Variants in CEP128 observed in about 807,000 individuals in gnomAD.
CEP128 encodes the protein centrosomal protein 128.
Under a neutral mutation model 156.7 loss-of-function variants are expected in CEP128, and 132 were observed. The observed-to-expected ratio is 0.84, with a 90% CI of 0.73 to 0.97. CEP128 has a LOEUF of 0.97. CEP128 is among the 50% of genes least tolerant of loss of function. The pLI is 0.00. For synonymous variants in CEP128, 469 were observed against 448.9 expected (o/e 1.04, Z -0.57); for missense variants, 1,252 against 1,281.9 (o/e 0.98, Z 0.36).
intron 14 of CEP128, among the ~76,000 whole-genome samples, chr14:80,479,462 A>G (rs1248533608): frequency 2.0e-5 from 3 of 152,124 alleles, no homozygotes; most frequent in Admixed American, 6.6e-5. Context: ...CAAGAGAAAA[A>G]TAAGAAGAAG....
chr14:80,729,058 G>GGGGGT lies in CEP128; in HGVS notation c.2806+14016_2806+14017insACCCC, dbSNP rs1898141728. The stretch of plus-strand genomic sequence containing the variant: ...CCTAGTCCCAGGCTGGGCTGGTGGG[G>GGGGGT]GTGTGTGTGTGTGTGTGTGTGTGTG... On this transcript the variant is annotated intron_variant, in intron 19 of 24. Coordinates refer to ENST00000555265, the MANE Select transcript of CEP128 (RefSeq NM_152446.5). Among the ~76,000 whole-genome samples the GGGGGT allele has an allele frequency of 2.3e-4, 24 of 105,024 alleles. 1 individual carries two copies. The highest frequency in any genetic ancestry group is 1.1e-3 in the African/African-American group (21 of 19,926). 68.9% of individuals were successfully genotyped at this position (105,024 alleles called of 152,430 possible).
intron 8 of CEP128, among the ~76,000 whole-genome samples, chr14:80,863,368 A>G (rs1887610844): frequency 6.6e-6 from 1 of 152,250 alleles, no homozygotes; most frequent in Non-Finnish European, 1.5e-5. Flanking sequence ...TAGCTTATCA[A>G]TCTTTTCTAC....
chr14:80,946,371 A>G (rs942861936), upstream of CEP128, among the ~76,000 whole-genome samples: 3 of 94,472 alleles, frequency 3.2e-5, no homozygotes, highest in Admixed American at 1.0e-4. Context: ...CTCATGATGC[A>G]TCATGATGAT....
At chr14:80,657,211 T>TGCGC (rs769121940) in intron 19 of CEP128, among the ~76,000 whole-genome samples, 98 of 151,574 alleles carry the variant, frequency 6.5e-4, no homozygotes, top group Non-Finnish European at 1.1e-3. Flanking sequence ...GAGCCGAGAT[T>TGCGC]ACGCCACTGC....
At chr14:80,900,814 T>TA (rs1883509438) in intron 6 of CEP128, among the ~76,000 whole-genome samples, 1 of 146,788 alleles carries the variant, frequency 6.8e-6, no homozygotes, top group Non-Finnish European at 1.5e-5. Context: ...TAGTAAAAAT[T>TA]AAAAAAGTAA....
intron 19 of CEP128, among the ~76,000 whole-genome samples, chr14:80,655,296 C>T (rs1277087566): frequency 2.0e-5 from 3 of 152,134 alleles, no homozygotes; most frequent in African/African-American, 7.2e-5. Context: ...CATGTTGCTG[C>T]CAGAGTGACC....
At chr14:80,673,927 G>C (rs1895959943) in intron 19 of CEP128, among the ~76,000 whole-genome samples, 1 of 151,928 alleles carries the variant, frequency 6.6e-6, no homozygotes, top group Admixed American at 6.6e-5. Context: ...GTCCTTTATA[G>C]GAAATTGTAC....
intron 8 of CEP128, among the ~76,000 whole-genome samples, chr14:80,865,256 A>C (rs1887712020): frequency 6.6e-6 from 1 of 152,114 alleles, no homozygotes; most frequent in Non-Finnish European, 1.5e-5. Context: ...AAATGACAGG[A>C]TTTCCTTCTT....
intron 21 of CEP128, among the ~76,000 whole-genome samples, chr14:80,552,191 C>T (rs546117947): frequency 2.4e-4 from 36 of 152,200 alleles, no homozygotes; most frequent in African/African-American, 8.4e-4. Flanking sequence ...CACCTGTAAT[C>T]CCAGCTACTT....
intron 2 of CEP128, among the ~76,000 whole-genome samples, chr14:80,938,188 C>A (rs1250832027): frequency 6.6e-6 from 1 of 151,706 alleles, no homozygotes; most frequent in Admixed American, 6.6e-5. Context: ...TGAGTCAATG[C>A]ACCTGGCCTA....
intron 4 of CEP128, among the ~76,000 whole-genome samples, chr14:80,912,304 T>G (rs1212644418): frequency 6.6e-6 from 1 of 152,110 alleles, no homozygotes; most frequent in African/African-American, 2.4e-5. Flanking sequence ...GATCCCTCGT[T>G]GAAAATTGCT....
At chr14:80,749,709 A>AC (rs1385543778) in intron 18 of CEP128, among the ~76,000 whole-genome samples, 1 of 152,220 alleles carries the variant, frequency 6.6e-6, no homozygotes, top group Non-Finnish European at 1.5e-5. Flanking sequence ...TGATAGTACA[A>AC]CAGGGTGGTT....
chr14:80,582,298 T>C (rs1302074751), intron 19 of CEP128, among the ~76,000 whole-genome samples: 1 of 152,196 alleles, frequency 6.6e-6, no homozygotes, highest in Non-Finnish European at 1.5e-5. Context: ...AGTGGTTTGG[T>C]ACCCGGGACT....
chr14:80,859,789 T>C (rs897566450), intron 9 of CEP128, among the ~76,000 whole-genome samples: 2 of 152,120 alleles, frequency 1.3e-5, no homozygotes, highest in Admixed American at 6.5e-5. Flanking sequence ...TTGCATTAAA[T>C]GGGAATAGGT....
At chr14:80,600,039 A>T (rs192703209) in intron 19 of CEP128, among the ~76,000 whole-genome samples, 18 of 152,304 alleles carry the variant, frequency 1.2e-4, no homozygotes, top group Non-Finnish European at 1.3e-4. Flanking sequence ...AGCACCCCAG[A>T]TTCATTCTTT....
chr14:80,929,910 G>C (rs1885358501), intron 2 of CEP128, among the ~76,000 whole-genome samples: 1 of 152,208 alleles, frequency 6.6e-6, no homozygotes, highest in Admixed American at 6.5e-5. Flanking sequence ...TGGCCTGTTA[G>C]GAACCGGGAT....
At chr14:80,632,006 T>C (rs185984106) in intron 19 of CEP128, among the ~76,000 whole-genome samples, 2 of 152,212 alleles carry the variant, frequency 1.3e-5, no homozygotes, top group Admixed American at 6.5e-5. Flanking sequence ...TCCATATTAC[T>C]AGCTGATGTG....
At chr14:80,789,816 T>G (rs760655940) in intron 14 of CEP128, among the ~76,000 whole-genome samples, 3 of 148,966 alleles carry the variant, frequency 2.0e-5, no homozygotes, top group Admixed American at 6.7e-5. Context: ...GCAGTTTGGT[T>G]TTTTTTTTTT....
At chr14:80,872,144 A>T (rs888298890) in intron 8 of CEP128, among the ~76,000 whole-genome samples, 2 of 152,150 alleles carry the variant, frequency 1.3e-5, no homozygotes, top group Admixed American at 1.3e-4. Context: ...ACTAAAATAG[A>T]ATTGACTTTT....
Sources: gnomAD v4.1 joint callset for allele counts (sites outside exome capture counted in the v4.1 genomes callset) on GRCh38, gnomAD v4.1.1 for gene constraint, MANE v1.5 for transcripts, NCBI Gene and HGNC (gene_info 2026-07-23, HGNC 2026-07-21) for gene names.